The following NXPH2 variants were observed in gnomAD, a reference collection of about 807,000 sequenced individuals.
NXPH2 encodes neurexophilin 2, also known as neurexophilin-2.
In NXPH2, 5 loss-of-function variants were observed where a neutral mutation model predicts 19.8. That is an observed-to-expected ratio of 0.25 (90% CI 0.13 to 0.53). NXPH2 has a LOEUF of 0.53. NXPH2 is among the 20% of genes least tolerant of loss of function. The pLI, the probability that NXPH2 is intolerant of heterozygous loss-of-function variation, is 0.96. For synonymous variants in NXPH2, 154 were observed against 127.4 expected (o/e 1.21, Z -1.41); for missense variants, 289 against 322.8 (o/e 0.90, Z 0.80).
At chr2:138,772,520 C>G (rs1270810155) in intron 1 of NXPH2, among the ~76,000 whole-genome samples, 1 of 152,170 alleles carries the variant, frequency 6.6e-6, no homozygotes, top group African/African-American at 2.4e-5. Flanking sequence ...TGGTCTCGAA[C>G]TCCCGACCTC....
chr2:138,713,600 T>C (rs940570473), intron 1 of NXPH2, among the ~76,000 whole-genome samples: 8 of 144,070 alleles, frequency 5.6e-5, no homozygotes, highest in African/African-American at 2.2e-4. Context: ...AAACGTTCTG[T>C]GTGTGTGTGT....
In NXPH2 at chr2:138,780,215, C is replaced by T. The variant is rs1454335899; in HGVS notation, c.27G>A (p.Val9=). 5 of 1,472,812 alleles carry T rather than the reference C, an allele frequency of 3.4e-6. No individual in the cohort carries two copies. The highest frequency in any genetic ancestry group is 3.0e-5 in the African/African-American group (2 of 67,710). 91.2% of individuals were successfully genotyped at this position (1,472,812 alleles called of 1,614,324 possible). The part of the protein sequence containing the change: MRLRPLPL[V]VVPGLLQLLF... Reference sequence around the variant, plus strand: ...CCAGCTGCAGCAAGCCAGGGACCACCACGAGGGGCAGCGGCCGCAGGCGCA... The same window carrying T: ...CCAGCTGCAGCAAGCCAGGGACCACTACGAGGGGCAGCGGCCGCAGGCGCA... Residue 9 remains valine (V), a synonymous_variant, in exon 1 of 2, where the codon GTG becomes GTA. Coordinates refer to ENST00000272641, the MANE Select transcript of NXPH2 (RefSeq NM_007226.3).
Position 138,780,304 on chromosome 2 carries a change from C to T in NXPH2, c.-63G>A. ...CTCGCCTGCCTCTCGCGCATCTCCA[C>T]TTCGCGGGGCAGGACTGAGGACGCC... On this transcript the variant is annotated 5_prime_UTR_variant, in exon 1 of 2. In the 5' UTR this introduces an upstream ATG that the reference lacks. Transcript: ENST00000272641. 1 of 1,332,314 alleles carries T rather than the reference C, an allele frequency of 7.5e-7. No homozygotes were observed. The highest frequency in any genetic ancestry group is 9.7e-7 in the Non-Finnish European group (1 of 1,029,090). 82.5% of individuals were successfully genotyped at this position (1,332,314 alleles called of 1,614,324 possible). A position where few individuals can be genotyped will look rare whatever the true frequency, so the allele number is the denominator to read the frequency against.
chr2:138,690,545 T>G (rs1680731324), intron 1 of NXPH2, among the ~76,000 whole-genome samples: 1 of 151,076 alleles, frequency 6.6e-6, no homozygotes, highest in Non-Finnish European at 1.5e-5. Flanking sequence ...TGCTATATAC[T>G]CACTGTCTTT....
chr2:138,777,831 T>TA (rs11299940), intron 1 of NXPH2, among the ~76,000 whole-genome samples: 33,665 of 92,818 alleles, frequency 0.36, 5,708 homozygotes, highest in African/African-American at 0.4. Flanking sequence ...ACCAAAAAAT[T>TA]AAAAAAAAAA....
chr2:138,775,320 A>G (rs900046030), intron 1 of NXPH2, among the ~76,000 whole-genome samples: 2 of 152,266 alleles, frequency 1.3e-5, no homozygotes, highest in East Asian at 1.9e-4. Flanking sequence ...AAAATAACAT[A>G]AAATAGAAGT....
At chr2:138,750,206 A>C (rs1328309222) in intron 1 of NXPH2, among the ~76,000 whole-genome samples, 1 of 152,206 alleles carries the variant, frequency 6.6e-6, no homozygotes, top group East Asian at 1.9e-4. Context: ...GAAGATTGAA[A>C]TGATGCTTCT....
chr2:138,669,389 G>A lies in NXPH2; in HGVS notation c.*1533C>T, dbSNP rs1379387845. 6.6e-6 allele frequency among the ~76,000 whole-genome samples: 1 copy of A among 152,014 alleles called. No homozygotes were observed. Among genetic ancestry groups the A allele is most frequent in the Non-Finnish European group, 1.5e-5 (1 of 67,978 alleles). On this transcript the variant is annotated 3_prime_UTR_variant, in exon 2 of 2. Transcript: ENST00000272641. ...GGTGAACTCAGAGCAAGAACTTCAA[G>A]CCTGTACTACCACACACTAAGCTTA...
chr2:138,755,698 T>C (rs1681896339), intron 1 of NXPH2, among the ~76,000 whole-genome samples: 1 of 152,124 alleles, frequency 6.6e-6, no homozygotes, highest in Non-Finnish European at 1.5e-5. Context: ...GTTTGCAATA[T>C]CTGCGAAGTA....
intron 1 of NXPH2, among the ~76,000 whole-genome samples, chr2:138,706,384 T>C (rs1348404659): frequency 6.6e-6 from 1 of 152,214 alleles, no homozygotes; most frequent in Admixed American, 6.5e-5. Flanking sequence ...GTTAACCAAT[T>C]GGCCAGATTA....
intron 1 of NXPH2, among the ~76,000 whole-genome samples, chr2:138,746,491 G>C (rs1681736243): frequency 6.6e-6 from 1 of 152,186 alleles, no homozygotes; most frequent in Non-Finnish European, 1.5e-5. Context: ...TCTGACTTTA[G>C]GGTTAGTCTG....
rs547951301 is a variant in NXPH2 at position 138,746,243 on chromosome 2, A to G, written c.51+33948T>C. 9.6e-4 allele frequency among the ~76,000 whole-genome samples: 146 copies of G among 152,334 alleles called. 1 individual carries two copies. Among genetic ancestry groups the G allele is most frequent in the African/African-American group, 3.4e-3 (142 of 41,588 alleles). ...TGGGTACCTATGGAGACTTCTTCACAGCTCCCATCAATCCCTCTGTTATCT... is the reference window on the plus strand; with the variant it reads ...TGGGTACCTATGGAGACTTCTTCACGGCTCCCATCAATCCCTCTGTTATCT... On this transcript the variant is annotated intron_variant, in intron 1 of 1. Coordinates refer to ENST00000272641, the MANE Select transcript of NXPH2 (RefSeq NM_007226.3).
rs575961369 is a variant in NXPH2 at position 138,780,359 on chromosome 2, A to C, written c.-118T>G. The C allele has an allele frequency of 8.3e-6, 4 of 479,966 alleles. No homozygotes were observed. In the South Asian group the frequency reaches 1.2e-4, roughly 15 times the overall value. 29.7% of individuals were successfully genotyped at this position (479,966 alleles called of 1,614,324 possible). On this transcript the variant is annotated 5_prime_UTR_variant, in exon 1 of 2. It adds an upstream start codon to the 5' untranslated region. Transcript: ENST00000272641. ...ACACAGCGCGGCGCTTCCCTCCCGG[A>C]ATCCGAGCGCTGCGCCGTGCCGCGC...
Position 138,687,947 on chromosome 2 carries a change from T to C in NXPH2, c.52-16282A>G, listed in dbSNP as rs547017701. Among the ~76,000 whole-genome samples, 10 of 152,330 alleles carry C rather than the reference T, an allele frequency of 6.6e-5. No individual in the cohort carries two copies. In the East Asian group the frequency reaches 1.2e-3, roughly 18 times the overall value. ...TGCTGTTCTGGTTACTGTAGCCTTG[T>C]AGTATAGTTTGAAGTCAGGTAGTGT... On this transcript the variant is annotated intron_variant, in intron 1 of 1. Transcript: ENST00000272641.
At chr2:138,776,607 T>C (rs1220602684) in intron 1 of NXPH2, among the ~76,000 whole-genome samples, 4 of 142,054 alleles carry the variant, frequency 2.8e-5, no homozygotes, top group Non-Finnish European at 6.1e-5. Context: ...ATAACAATGA[T>C]ATAGTGGTGT....
intron 1 of NXPH2, among the ~76,000 whole-genome samples, chr2:138,760,793 C>A (rs909621804): frequency 2.6e-5 from 4 of 152,194 alleles, no homozygotes; most frequent in African/African-American, 9.7e-5. Flanking sequence ...GAACTGCTTT[C>A]TTAGATTAAA....
intron 1 of NXPH2, among the ~76,000 whole-genome samples, chr2:138,727,922 A>G (rs2104997719): frequency 6.6e-6 from 1 of 152,260 alleles, no homozygotes; most frequent in East Asian, 1.9e-4. Context: ...AAGTAGTTGG[A>G]GGCTTGAGGT....
chr2:138,779,049 CAT>C (rs1682309408), intron 1 of NXPH2, among the ~76,000 whole-genome samples: 1 of 152,152 alleles, frequency 6.6e-6, no homozygotes. Context: ...TCATACATAT[CAT>C]AAACTTTCAA....
chr2:138,730,761 A>G (rs1457180915), intron 1 of NXPH2, among the ~76,000 whole-genome samples: 1 of 152,174 alleles, frequency 6.6e-6, no homozygotes, highest in Non-Finnish European at 1.5e-5. Flanking sequence ...GTGCTCTGTA[A>G]AATGTGAAAC....
Sources: allele counts gnomAD v4.1 joint callset (sites outside exome capture counted in the v4.1 genomes callset), GRCh38; gene constraint gnomAD v4.1.1; transcripts MANE v1.5; gene names NCBI Gene and HGNC (gene_info 2026-07-23, HGNC 2026-07-21).